METTL8: variants seen among roughly 807,000 people sequenced by gnomAD.
The protein encoded by METTL8 is tRNA N(3)-cytidine methyltransferase METTL8, mitochondrial.
In METTL8, 32 loss-of-function variants were observed where a neutral mutation model predicts 48.7. The ratio of observed to expected loss-of-function variants is 0.66; its 90% confidence interval spans 0.50 to 0.88. The LOEUF (loss-of-function observed/expected upper bound fraction) is 0.88. METTL8 is among the 40% of genes least tolerant of loss of function. The pLI is 0.00. For synonymous variants in METTL8, 136 were observed against 157.1 expected, an observed-to-expected ratio of 0.87 and a Z score of 1.01; for missense variants, 464 against 474.4, an observed-to-expected ratio of 0.98 and a Z score of 0.20.
At chr2:171,428,398 T>C (rs186869221) in intron 1 of METTL8, among the ~76,000 whole-genome samples, 5 of 152,160 alleles carry the variant, frequency 3.3e-5, no homozygotes, top group Admixed American at 1.3e-4. Context: ...AATCCCACTA[T>C]ACATGCCAGC....
intron 2 of METTL8, among the ~76,000 whole-genome samples, chr2:171,361,232 G>C (rs1250305415): frequency 1.1e-4 from 16 of 145,318 alleles, no homozygotes; most frequent in Non-Finnish European, 3.0e-5. Context: ...TTTTTTTTAA[G>C]TTTTGTTTTC....
chr2:171,379,062 C>T (rs1687257416), intron 2 of METTL8, among the ~76,000 whole-genome samples: 1 of 152,220 alleles, frequency 6.6e-6, no homozygotes, highest in Non-Finnish European at 1.5e-5. Flanking sequence ...AATAGTCTCT[C>T]AGACCACATT....
rs1486697944 is a variant in METTL8, at chr2:171,339,377, G to C, written c.413C>G (p.Thr138Arg). ...SSWDHVKTSA[T>R]NRFSRMHCPT... ...ACAGTGCATTCTTGAGAAACGATTT[G>C]TAGCACTAGTTTTTACATGATCCCA... Residue 138 changes from threonine to arginine, a missense_variant, in exon 4 of 10, where the codon ACA (threonine) becomes AGA (arginine). Physicochemically the swap from Thr to Arg is moderately conservative, Grantham distance 71. Transcript: ENST00000375258. 1 of 1,613,118 alleles carries C rather than the reference G, an allele frequency of 6.2e-7. No homozygotes were observed.
chr2:171,418,136 G>A (rs1362820141), intron 1 of METTL8, among the ~76,000 whole-genome samples: 7 of 152,004 alleles, frequency 4.6e-5, no homozygotes, highest in Non-Finnish European at 1.5e-5. Context: ...GTAGAGATGG[G>A]GTGTCACTGT....
At position 171,371,577 on chromosome 2, in the gene METTL8, G is replaced by T. The variant is rs183906970; in HGVS notation, c.144-11064C>A. On this transcript the variant is annotated intron_variant, in intron 2 of 9. Transcript: ENST00000375258. ...TCACCATATAGGCCAGGCTGGTCTT[G>T]AACTCCCGACCTCAGGTGATGCGCC... 2.3e-3 allele frequency among the ~76,000 whole-genome samples: 355 copies of T among 151,878 alleles called. 8 individuals are homozygous for T. Among genetic ancestry groups the T allele is most frequent in the Admixed American group, 0.023 (348 of 15,250 alleles).
At chr2:171,402,718 T>G (rs1294392056) in intron 1 of METTL8, among the ~76,000 whole-genome samples, 1 of 152,096 alleles carries the variant, frequency 6.6e-6, no homozygotes, top group Non-Finnish European at 1.5e-5. Flanking sequence ...CTAACCATTC[T>G]CTAATAAAAC....
chr2:171,346,258 C>T (rs1355015277), intron 3 of METTL8, among the ~76,000 whole-genome samples: 1 of 152,180 alleles, frequency 6.6e-6, no homozygotes, highest in Non-Finnish European at 1.5e-5. Context: ...AATTCCTGGG[C>T]TCAAGAGATC....
At chr2:171,347,375 G>A (rs1157750000) in intron 3 of METTL8, among the ~76,000 whole-genome samples, 3 of 152,184 alleles carry the variant, frequency 2.0e-5, no homozygotes, top group South Asian at 2.1e-4. Flanking sequence ...CCTTTACTGC[G>A]GTTTCCAAGG....
chr2:171,391,080 A>G (rs1249904177), intron 2 of METTL8, among the ~76,000 whole-genome samples: 1 of 152,168 alleles, frequency 6.6e-6, no homozygotes, highest in Admixed American at 6.6e-5. Flanking sequence ...TTATTTTAAG[A>G]AACTGCCACA....
At chr2:171,346,686 T>G (rs1406598058) in intron 3 of METTL8, among the ~76,000 whole-genome samples, 1 of 152,214 alleles carries the variant, frequency 6.6e-6, no homozygotes, top group Non-Finnish European at 1.5e-5. Flanking sequence ...TTCAAAGATT[T>G]AGGACTCTCC....
At chr2:171,418,115 T>C (rs747379997) in intron 1 of METTL8, among the ~76,000 whole-genome samples, 27 of 152,142 alleles carry the variant, frequency 1.8e-4, no homozygotes, top group Non-Finnish European at 2.8e-4. Context: ...GGCTAATTTT[T>C]TGTATTTTTA....
chr2:171,419,796 T>C (rs1229385051), intron 1 of METTL8, among the ~76,000 whole-genome samples: 1 of 152,078 alleles, frequency 6.6e-6, no homozygotes, highest in Non-Finnish European at 1.5e-5. Context: ...GTGCTGTACA[T>C]AACACATGCA....
chr2:171,415,846 G>GTCCCAAATA, intron 1 of METTL8, among the ~76,000 whole-genome samples: 1 of 152,308 alleles, frequency 6.6e-6, no homozygotes, highest in South Asian at 2.1e-4. Flanking sequence ...AAATAGCCAA[G>GTCCCAAATA]GGTAAATGTC....
chr2:171,333,533 G>A lies in METTL8; in HGVS notation c.657-1666C>T, dbSNP rs116684648. 3.5e-3 allele frequency among the ~76,000 whole-genome samples: 534 copies of A among 152,290 alleles called. 5 individuals are homozygous for A. Among genetic ancestry groups the A allele is most frequent in the African/African-American group, 0.012 (503 of 41,554 alleles). On this transcript the variant is annotated intron_variant, in intron 5 of 9. Transcript: ENST00000375258. ...GTTAAAGTATGATTAATAGGATTTTGTTATGAAAAGCTAACCAGTACTGAA... is the reference window on the plus strand; with the variant it reads ...GTTAAAGTATGATTAATAGGATTTTATTATGAAAAGCTAACCAGTACTGAA...
At chr2:171,332,869 T>C (rs577766157) in intron 5 of METTL8, 2 of 152,180 alleles carry the variant, frequency 1.3e-5, no homozygotes, top group Non-Finnish European at 2.9e-5. Context: ...AGTTTAGAAG[T>C]GGGAGTCACA....
chr2:171,375,237 G>C, intron 2 of METTL8: 1 of 1,225,212 alleles, frequency 8.2e-7, no homozygotes, highest in Non-Finnish European at 1.2e-6. Flanking sequence ...CGTGGCCGCG[G>C]CCCTTTTTGG....
At chr2:171,359,321 C>T (rs768511257) in intron 3 of METTL8, among the ~76,000 whole-genome samples, 26 of 152,054 alleles carry the variant, frequency 1.7e-4, no homozygotes, top group Admixed American at 2.6e-4. Flanking sequence ...ATCATCTCAC[C>T]TCACCTAACA....
chr2:171,382,716 T>C (rs1401560540), intron 2 of METTL8, among the ~76,000 whole-genome samples: 3 of 149,962 alleles, frequency 2.0e-5, no homozygotes, highest in Non-Finnish European at 4.4e-5. Context: ...GAACTCAAAG[T>C]AAAATTTAAA....
intron 1 of METTL8, among the ~76,000 whole-genome samples, chr2:171,410,812 T>C (rs1690673498): frequency 6.6e-6 from 1 of 152,236 alleles, no homozygotes; most frequent in Non-Finnish European, 1.5e-5. Context: ...ATACAGCTTC[T>C]GGTATGTTAT....
Sources: gnomAD v4.1 joint callset for allele counts (sites outside exome capture counted in the v4.1 genomes callset) on GRCh38, gnomAD v4.1.1 for gene constraint, MANE v1.5 for transcripts, NCBI Gene and HGNC (gene_info 2026-07-23, HGNC 2026-07-21) for gene names.